The following DPP10 variants were observed in gnomAD, a reference collection of about 807,000 sequenced individuals.
DPP10 encodes the protein inactive dipeptidyl peptidase 10.
Under a neutral mutation model 120.9 loss-of-function variants are expected in DPP10, and 33 were observed. The ratio of observed to expected loss-of-function variants is 0.27; its 90% CI spans 0.21 to 0.37. The LOEUF (loss-of-function observed/expected upper bound fraction) is 0.37. Ranked by LOEUF, DPP10 falls within the 10% of genes least tolerant of loss-of-function variation. The probability of loss-of-function intolerance (pLI) is 1.00; values close to 1 mark genes in which losing one functional copy is unlikely to be tolerated. For synonymous variants in DPP10, 337 were observed against 326.1 expected, an observed-to-expected ratio of 1.03 and a Z score of -0.36; for missense variants, 816 against 942.8, an observed-to-expected ratio of 0.87 and a Z score of 1.76.
intron 1 of DPP10, among the ~76,000 whole-genome samples, chr2:115,075,422 A>C (rs1206149003): frequency 6.6e-6 from 1 of 152,232 alleles, no homozygotes; most frequent in African/African-American, 2.4e-5. Flanking sequence ...ATCGAGGGGA[A>C]GTCCCAGATG....
At chr2:114,505,885 T>C (rs1297296948) in intron 1 of DPP10, among the ~76,000 whole-genome samples, 3 of 152,254 alleles carry the variant, frequency 2.0e-5, no homozygotes, top group Non-Finnish European at 4.4e-5. Context: ...TTCATGCATG[T>C]TAGTTTTTTC....
At chr2:115,012,087 G>A (rs1377656753) in intron 1 of DPP10, among the ~76,000 whole-genome samples, 1 of 151,998 alleles carries the variant, frequency 6.6e-6, no homozygotes, top group Non-Finnish European at 1.5e-5. Context: ...TAACTCCATT[G>A]GACTGAGAAC....
At chr2:114,877,783 C>T (rs1024645604) in intron 1 of DPP10, among the ~76,000 whole-genome samples, 13 of 151,944 alleles carry the variant, frequency 8.6e-5, no homozygotes, top group African/African-American at 2.4e-4. Flanking sequence ...ATGAAGCTGT[C>T]CCCGTTAACA....
intron 21 of DPP10, among the ~76,000 whole-genome samples, chr2:115,822,996 G>C (rs1687956789): frequency 6.6e-6 from 1 of 151,892 alleles, no homozygotes; most frequent in African/African-American, 2.4e-5. Context: ...TTTAACTCTT[G>C]CTTTGCTGAT....
intron 1 of DPP10, among the ~76,000 whole-genome samples, chr2:115,023,420 T>A (rs1349863418): frequency 6.6e-6 from 1 of 151,900 alleles, no homozygotes; most frequent in Non-Finnish European, 1.5e-5. Context: ...ATCAGAGAAA[T>A]GCAAATCAAA....
At chr2:114,553,015 GC>G (rs1688009589) in intron 1 of DPP10, among the ~76,000 whole-genome samples, 1 of 152,062 alleles carries the variant, frequency 6.6e-6, no homozygotes, top group Non-Finnish European at 1.5e-5. Context: ...TGCTGCTTAA[GC>G]CTCTCACCAG....
At chr2:115,481,419 G>A (rs2075419234) in intron 3 of DPP10, among the ~76,000 whole-genome samples, 1 of 152,170 alleles carries the variant, frequency 6.6e-6, no homozygotes, top group Non-Finnish European at 1.5e-5. Flanking sequence ...GCTTAAGGAA[G>A]CAGTATAAGC....
chr2:115,288,891 G>A (rs963826272), intron 1 of DPP10, among the ~76,000 whole-genome samples: 2 of 151,644 alleles, frequency 1.3e-5, no homozygotes, highest in Non-Finnish European at 2.9e-5. Flanking sequence ...ACTAAGACAA[G>A]GATGCTCTCT....
At position 115,143,842 on chromosome 2, in the gene DPP10, C is replaced by G. The variant is rs529802928; in HGVS notation, c.61-165397C>G. Among the ~76,000 whole-genome samples the G allele has an allele frequency of 2.6e-5, 4 of 152,308 alleles. No homozygotes were observed. The South Asian group carries it at 8.3e-4, about 32-fold the overall frequency. ...TTCATATCCCAGTACCAGCAGAAGA[C>G]AGAGCAATCTCAGATGCAGCCTCTG... On this transcript the variant is annotated intron_variant, in intron 1 of 25. Coordinates refer to ENST00000410059, the MANE Select transcript of DPP10 (RefSeq NM_020868.6).
chr2:114,639,945 A>G (rs935279132), intron 1 of DPP10, among the ~76,000 whole-genome samples: 2 of 151,894 alleles, frequency 1.3e-5, no homozygotes, highest in African/African-American at 4.9e-5. Context: ...TCCATCTAAG[A>G]TACTAGATTT....
At chr2:115,550,025 G>A (rs949560100) in intron 5 of DPP10, among the ~76,000 whole-genome samples, 1 of 152,048 alleles carries the variant, frequency 6.6e-6, no homozygotes, top group Non-Finnish European at 1.5e-5. Flanking sequence ...CTCCATCTAT[G>A]CAGCTCAGGT....
rs565577014 is a variant in DPP10, at chr2:114,584,331, C to A, written c.60+141493C>A. The stretch of plus-strand genomic sequence containing the variant: ...GTAGTGATCACTGAGGGGCAAATTT[C>A]TGCTTTGCTTAGAGTTGTTAACAAC... On this transcript the variant is annotated intron_variant, in intron 1 of 25. Transcript: ENST00000410059. Among the ~76,000 whole-genome samples, 5 of 152,290 alleles carry A rather than the reference C, an allele frequency of 3.3e-5. No individual in the cohort carries two copies. In the South Asian group the frequency reaches 1.0e-3, roughly 32 times the overall value.
At chr2:114,513,454 G>T (rs1684322779) in intron 1 of DPP10, among the ~76,000 whole-genome samples, 1 of 145,932 alleles carries the variant, frequency 6.9e-6, no homozygotes, top group African/African-American at 2.6e-5. Flanking sequence ...CCGGAAGGCA[G>T]AGGTGGCAGT....
chr2:115,415,098 GT>G (rs761792315), intron 3 of DPP10, among the ~76,000 whole-genome samples: 18 of 152,048 alleles, frequency 1.2e-4, no homozygotes, highest in Non-Finnish European at 7.4e-5. Context: ...TGATCCTATT[GT>G]GATTTTACCC....
At chr2:115,441,631 T>C (rs1475050653) in intron 3 of DPP10, among the ~76,000 whole-genome samples, 4 of 152,126 alleles carry the variant, frequency 2.6e-5, no homozygotes, top group East Asian at 1.9e-4. Context: ...TGTTAGACTA[T>C]TGAGCACTTG....
intron 1 of DPP10, among the ~76,000 whole-genome samples, chr2:115,273,643 G>A (rs1376058464): frequency 3.9e-5 from 6 of 152,134 alleles, no homozygotes; most frequent in South Asian, 2.1e-4. Flanking sequence ...GCCTGAGGCC[G>A]CTTGCTTTTA....
chr2:115,815,832 T>A, intron 21 of DPP10, 103 bp downstream of exon 21: 1 of 1,169,988 alleles, frequency 8.5e-7, no homozygotes, highest in Non-Finnish European at 1.2e-6. Context: ...ATAAGTTCCA[T>A]ATTGACTGGG....
At chr2:114,938,729 CTTTT>C (rs5833569) in intron 1 of DPP10, among the ~76,000 whole-genome samples, 6 of 102,548 alleles carry the variant, frequency 5.9e-5, no homozygotes, top group Admixed American at 1.0e-4. Context: ...CACTTTGTCC[CTTTT>C]TTTTTTTTTT....
At position 114,932,844 on chromosome 2, in the gene DPP10, T is replaced by C. The variant is rs114868126; in HGVS notation, c.61-376395T>C. On this transcript the variant is annotated intron_variant, in intron 1 of 25. Coordinates refer to ENST00000410059, the MANE Select transcript of DPP10 (RefSeq NM_020868.6). Reference sequence around the variant, plus strand: ...AAGAAAAAATAACTAATGAAACAAATCTCAGTGCCTAAAAGAATAAAAAAG... The same window carrying C: ...AAGAAAAAATAACTAATGAAACAAACCTCAGTGCCTAAAAGAATAAAAAAG... 3.2e-3 allele frequency among the ~76,000 whole-genome samples: 482 copies of C among 152,238 alleles called. 1 individual carries two copies. Among genetic ancestry groups the C allele is most frequent in the African/African-American group, 0.011 (472 of 41,536 alleles).
Sources: allele counts gnomAD v4.1 joint callset (sites outside exome capture counted in the v4.1 genomes callset), GRCh38; gene constraint gnomAD v4.1.1; transcripts MANE v1.5; gene names NCBI Gene and HGNC (gene_info 2026-07-23, HGNC 2026-07-21).